The following KCNJ15 variants were observed in gnomAD, a reference collection of about 807,000 sequenced individuals.
The protein encoded by KCNJ15 is ATP-sensitive inward rectifier potassium channel 15.
A neutral mutation model predicts 23.0 loss-of-function variants in KCNJ15; 14 were observed. That is an observed-to-expected ratio of 0.61 (90% CI 0.40 to 0.95). KCNJ15 has a LOEUF of 0.95. KCNJ15 is among the 40% of genes least tolerant of loss of function. The pLI, the probability that KCNJ15 is intolerant of heterozygous loss-of-function variation, is 0.00. For missense variants in KCNJ15, 388 were observed against 461.8 expected (o/e 0.84, Z 1.46); for synonymous variants, 185 against 183.2 (o/e 1.01, Z -0.08).
At chr21:38,248,047 A>G (rs1979572121) in intron 1 of KCNJ15, among the ~76,000 whole-genome samples, 1 of 152,236 alleles carries the variant, frequency 6.6e-6, no homozygotes, top group South Asian at 2.1e-4. Context: ...CTACAATTCA[A>G]GTAAACATTT....
At chr21:38,245,821 G>A (rs1171104516) in intron 1 of KCNJ15, among the ~76,000 whole-genome samples, 1 of 152,128 alleles carries the variant, frequency 6.6e-6, no homozygotes, top group African/African-American at 2.4e-5. Context: ...GGCCATTTTT[G>A]CCTTTTTTGT....
chr21:38,299,603 C>G lies in KCNJ15; in HGVS notation c.342C>G (p.Leu114=). Residue 114 remains leucine, a synonymous_variant, in exon 3 of 3, where the codon CTC becomes CTG. Transcript: ENST00000398938. This position sits in a 1 kb window ranked among gnomAD's most constrained non-coding sequence, Gnocchi z 4.5. ...CCTGCATCATGAAAGTGGACTCTCT[C>G]ACTGGGGCGTTTCTCTTTTCCCTGG... ...HTPCIMKVDS[L]TGAFLFSLES... 6.2e-7 allele frequency: 1 copy of G among 1,614,164 alleles called. No individual in the cohort carries two copies. Among genetic ancestry groups the G allele is most frequent in the South Asian group, 1.1e-5 (1 of 91,080 alleles).
At chr21:38,295,258 T>C (rs190033665) in intron 1 of KCNJ15, among the ~76,000 whole-genome samples, 165 of 152,340 alleles carry the variant, frequency 1.1e-3, no homozygotes, top group African/African-American at 3.9e-3. Flanking sequence ...TTACAAAATA[T>C]AGTAATTCTT....
intron 1 of KCNJ15, among the ~76,000 whole-genome samples, chr21:38,239,326 T>G (rs558363354): frequency 2.6e-5 from 4 of 152,338 alleles, no homozygotes; most frequent in African/African-American, 7.2e-5. Flanking sequence ...CACGAAGCCA[T>G]AAAATATGTT....
intron 1 of KCNJ15, among the ~76,000 whole-genome samples, chr21:38,286,368 T>C (rs1458120675): frequency 6.6e-6 from 1 of 152,224 alleles, no homozygotes; most frequent in African/African-American, 2.4e-5. Context: ...TTCTGTTATT[T>C]CCCCCTCTGT....
intron 2 of KCNJ15, among the ~76,000 whole-genome samples, chr21:38,297,259 G>A (rs539273402): frequency 3.3e-5 from 5 of 152,226 alleles, no homozygotes; most frequent in South Asian, 4.1e-4. Flanking sequence ...CAGCAAAAGC[G>A]CTCTCAGCAG....
In KCNJ15 at chr21:38,299,437, T is replaced by C. The variant is rs765837326; in HGVS notation, c.176T>C (p.Ile59Thr). Reference sequence around the variant, plus strand: ...CTGCAAGACCTGTGGACCACAGTTATCGACATGAAGTGGAGATACAAACTC... The same window carrying C: ...CTGCAAGACCTGTGGACCACAGTTACCGACATGAAGTGGAGATACAAACTC... Reference protein sequence around the residue: ...LYLQDLWTTVIDMKWRYKLTL... With the variant: ...LYLQDLWTTVTDMKWRYKLTL... The change falls in exon 3 of 3, where the codon ATC becomes ACC. Residue 59 changes from isoleucine to threonine, a missense_variant. Coordinates refer to ENST00000398938, the MANE Select transcript of KCNJ15 (RefSeq NM_170736.3). This position sits in a 1 kb window ranked among gnomAD's most constrained non-coding sequence, Gnocchi z 4.5. 1 of 1,614,204 alleles carries C rather than the reference T, an allele frequency of 6.2e-7. No individual in the cohort carries two copies. Among genetic ancestry groups the C allele is most frequent in the Non-Finnish European group, 8.5e-7 (1 of 1,180,038 alleles).
intron 1 of KCNJ15, among the ~76,000 whole-genome samples, chr21:38,268,599 A>G (rs1303595673): frequency 6.7e-6 from 1 of 149,820 alleles, no homozygotes; most frequent in Non-Finnish European, 1.5e-5. Flanking sequence ...GAGAGTGAGA[A>G]AAAGCCCCTG....
intron 1 of KCNJ15, among the ~76,000 whole-genome samples, chr21:38,266,989 A>G (rs1018457914): frequency 1.3e-5 from 2 of 152,238 alleles, no homozygotes; most frequent in East Asian, 3.9e-4. Context: ...TAGAAATACC[A>G]GTCTGGCAGT....
At chr21:38,244,178 C>T (rs989572603) in intron 1 of KCNJ15, among the ~76,000 whole-genome samples, 2 of 152,084 alleles carry the variant, frequency 1.3e-5, no homozygotes, top group African/African-American at 4.8e-5. Context: ...GACAAAGCCG[C>T]TAGTGACTGC....
chr21:38,285,536 T>A (rs983643415), intron 1 of KCNJ15: 1 of 151,948 alleles, frequency 6.6e-6, no homozygotes, highest in African/African-American at 2.4e-5. Context: ...TGAAGAATTG[T>A]TTAATTTTTT....
Position 38,299,969 on chromosome 21 carries a change from A to G in KCNJ15, c.708A>G (p.Lys236=). Reference sequence around the variant, plus strand: ...TTCTCCTCAACCAAGCCACTGTCAAATTCCACGTGGACTCCTCCTCTGAGA... The same window carrying G: ...TTCTCCTCAACCAAGCCACTGTCAAGTTCCACGTGGACTCCTCCTCTGAGA... The part of the protein sequence containing the change: ...ERILLNQATV[K]FHVDSSSESP... The change falls in exon 3 of 3, where the codon AAA becomes AAG. Residue 236 remains lysine (K), a synonymous_variant. Coordinates refer to ENST00000398938, the MANE Select transcript of KCNJ15 (RefSeq NM_170736.3). The surrounding 1 kb of genome is among the most constrained non-coding windows in gnomAD (Gnocchi z 4.5). The G allele has an allele frequency of 6.2e-7, 1 of 1,614,032 alleles. No individual in the cohort carries two copies. Among genetic ancestry groups the G allele is most frequent in the South Asian group, 1.1e-5 (1 of 91,082 alleles).
chr21:38,290,995 AACACACAC>A (rs57018976), intron 1 of KCNJ15, among the ~76,000 whole-genome samples: 3 of 127,266 alleles, frequency 2.4e-5, no homozygotes, highest in African/African-American at 2.9e-5. Context: ...AAAAAGGCTA[AACACACAC>A]ACACACACAC....
At chr21:38,275,141 T>C (rs1386728758) in intron 1 of KCNJ15, among the ~76,000 whole-genome samples, 3 of 152,172 alleles carry the variant, frequency 2.0e-5, no homozygotes, top group East Asian at 3.8e-4. Context: ...TGTGTGAATT[T>C]TACCTGGTGG....
rs199852196 is a variant in KCNJ15, at chr21:38,299,383, A to C, written c.122A>C (p.Asp41Ala). 34 of 1,614,226 alleles carry C rather than the reference A, an allele frequency of 2.1e-5. No individual in the cohort carries two copies. The highest frequency in any genetic ancestry group is 2.9e-5 in the Non-Finnish European group (34 of 1,180,040). Reference protein sequence around the residue: ...SKSGHSNVRIDKVDGIYLLYL... With the variant: ...SKSGHSNVRIAKVDGIYLLYL... ...AGTGGGCACAGCAACGTGAGAATTG[A>C]CAAAGTGGATGGCATATACCTACTC... Residue 41 changes from aspartate (D) to alanine (A), a missense_variant, in exon 3 of 3, where the codon GAC (aspartate) becomes GCC (alanine). Transcript: ENST00000398938. This position sits in a 1 kb window ranked among gnomAD's most constrained non-coding sequence, Gnocchi z 4.5.
intron 1 of KCNJ15, among the ~76,000 whole-genome samples, chr21:38,269,383 G>C (rs947862903): frequency 2.0e-5 from 3 of 152,140 alleles, no homozygotes; most frequent in Non-Finnish European, 1.5e-5. Context: ...GAGTTGCAAT[G>C]TGAAAAAACT....
At chr21:38,266,258 G>C (rs1473553203) in intron 1 of KCNJ15, among the ~76,000 whole-genome samples, 1 of 152,114 alleles carries the variant, frequency 6.6e-6, no homozygotes, top group Admixed American at 6.5e-5. Context: ...ATCTACATTA[G>C]GTATTTCTCC....
rs576709021 is a variant in KCNJ15, at chr21:38,268,550, G to GAAAAAAAAAAAAAAA, written c.-117+11378_-117+11392dup. 3.2e-4 allele frequency among the ~76,000 whole-genome samples: 15 copies of GAAAAAAAAAAAAAAA among 47,274 alleles called. 1 individual carries two copies. The highest frequency in any genetic ancestry group is 4.1e-4 in the Non-Finnish European group (8 of 19,678). The allele number at this position is 47,274 out of a possible 152,430, so 31.0% of individuals were successfully genotyped here. On this transcript the variant is annotated intron_variant, in intron 1 of 2. Coordinates refer to ENST00000398938, the MANE Select transcript of KCNJ15 (RefSeq NM_170736.3). Reference sequence around the variant, plus strand: ...TATCTGACAAGAGTACTTAAAATCTGAAAAAAAAAAAAAAAAAAAAAAAAA... The same window carrying GAAAAAAAAAAAAAAA: ...TATCTGACAAGAGTACTTAAAATCTGAAAAAAAAAAAAAAAAAAAAAAAAAAAAAAAAAAAAAAAA...
chr21:38,287,281 T>G (rs960829761), intron 1 of KCNJ15, among the ~76,000 whole-genome samples: 2 of 152,188 alleles, frequency 1.3e-5, no homozygotes, highest in Non-Finnish European at 2.9e-5. Flanking sequence ...GTGGTTAGAT[T>G]TGTTTTCAGA....
Sources: gnomAD v4.1 joint callset for allele counts (sites outside exome capture counted in the v4.1 genomes callset) on GRCh38, gnomAD v4.1.1 for gene constraint, Gnocchi (gnomAD v3.1) non-coding constraint, MANE v1.5 for transcripts, NCBI Gene and HGNC (gene_info 2026-07-23, HGNC 2026-07-21) for gene names.